The following TRPM3 variants were observed in gnomAD, a reference collection of about 807,000 sequenced individuals.
TRPM3 encodes the protein transient receptor potential cation channel subfamily M member 3, also known as long transient receptor potential channel 3.
Under a neutral mutation model 181.2 loss-of-function variants are expected in TRPM3, and 77 were observed. That is an observed-to-expected ratio of 0.42 (90% CI 0.35 to 0.51). TRPM3 has a LOEUF of 0.51. TRPM3 is among the 20% of genes least tolerant of loss of function. The pLI is 0.01. For missense variants in TRPM3, 1,759 were observed against 2,196.7 expected, an observed-to-expected ratio of 0.80 and a Z score of 3.98; for synonymous variants, 745 against 796.4, an observed-to-expected ratio of 0.94 and a Z score of 1.09.
chr9:70,755,797 C>G (rs925610321), intron 8 of TRPM3, among the ~76,000 whole-genome samples: 1 of 152,154 alleles, frequency 6.6e-6, no homozygotes, highest in Non-Finnish European at 1.5e-5. Context: ...ACCACCAGGC[C>G]TGCCTCACCA....
chr9:71,044,586 C>T (rs1426052982), intron 1 of TRPM3, among the ~76,000 whole-genome samples: 6 of 152,318 alleles, frequency 3.9e-5, no homozygotes, highest in East Asian at 3.9e-4. Flanking sequence ...ATATCTGCCA[C>T]CATCTCCTAC....
intron 16 of TRPM3, 145 bp downstream of exon 16, chr9:70,619,931 G>A: frequency 1.4e-6 from 1 of 733,954 alleles, no homozygotes; most frequent in South Asian, 2.0e-5. Context: ...ACAATAAAGG[G>A]GAATTGTTTG....
At chr9:70,966,732 G>C (rs1418850934) in intron 1 of TRPM3, among the ~76,000 whole-genome samples, 1 of 151,964 alleles carries the variant, frequency 6.6e-6, no homozygotes, top group Non-Finnish European at 1.5e-5. Flanking sequence ...CACACATTGG[G>C]GTTTATTGGA....
At chr9:70,565,842 G>T (rs1303373654) in intron 22 of TRPM3, among the ~76,000 whole-genome samples, 2 of 152,138 alleles carry the variant, frequency 1.3e-5, no homozygotes, top group African/African-American at 4.8e-5. Context: ...ATGTCCTATG[G>T]GTAAGTCCTT....
At chr9:71,131,444 A>T (rs1306561623) in intron 1 of TRPM3, among the ~76,000 whole-genome samples, 1 of 152,222 alleles carries the variant, frequency 6.6e-6, no homozygotes, top group Admixed American at 6.5e-5. Flanking sequence ...AATGGAATGT[A>T]ATTTCTATAG....
intron 22 of TRPM3, among the ~76,000 whole-genome samples, chr9:70,573,687 CA>C (rs566752152): frequency 6.0e-5 from 9 of 150,880 alleles, no homozygotes; most frequent in South Asian, 2.1e-4. Flanking sequence ...GTAAAGTTTT[CA>C]AAAAAAAACC....
intron 1 of TRPM3, among the ~76,000 whole-genome samples, chr9:70,868,600 C>T (rs886769394): frequency 5.9e-5 from 9 of 152,104 alleles, no homozygotes; most frequent in African/African-American, 2.2e-4. Context: ...TTTACAAGCA[C>T]ATACACACAC....
At chr9:71,352,034 C>G (rs942082773) in intron 1 of TRPM3, among the ~76,000 whole-genome samples, 1 of 151,958 alleles carries the variant, frequency 6.6e-6, no homozygotes. Flanking sequence ...CGCCACCACA[C>G]CCGGCTAATT....
rs549442944 is a variant in TRPM3, at chr9:71,149,306, G to A, written c.184-284795C>T. Among the ~76,000 whole-genome samples, 19 of 152,258 alleles carry A rather than the reference G, an allele frequency of 1.2e-4. No individual in the cohort carries two copies. In the East Asian group the frequency reaches 2.3e-3, roughly 19 times the overall value. On this transcript the variant is annotated intron_variant, in intron 1 of 24. Coordinates refer to the TRPM3 transcript ENST00000357533. ...TGCTCCCAGCTACTTGGGAAACTGA[G>A]GTGGGAGGATCACTTGGGCCCAGGA...
chr9:70,890,021 A>G (rs1335409756), intron 1 of TRPM3, among the ~76,000 whole-genome samples: 2 of 148,148 alleles, frequency 1.3e-5, no homozygotes, highest in South Asian at 2.1e-4. Context: ...TATATAGCAT[A>G]TATAAATATA....
At chr9:70,810,956 A>G (rs912949006) in intron 6 of TRPM3, among the ~76,000 whole-genome samples, 1 of 152,180 alleles carries the variant, frequency 6.6e-6, no homozygotes, top group Non-Finnish European at 1.5e-5. Context: ...TAGTATCCCA[A>G]TAGTGCCGTC....
intron 1 of TRPM3, among the ~76,000 whole-genome samples, chr9:71,087,960 T>A (rs1001917026): frequency 6.6e-6 from 1 of 152,064 alleles, no homozygotes; most frequent in South Asian, 2.1e-4. Flanking sequence ...TAGGAAGAAA[T>A]TGCATCTATT....
intron 1 of TRPM3, among the ~76,000 whole-genome samples, chr9:71,247,682 T>C (rs1362456699): frequency 1.3e-5 from 2 of 152,088 alleles, no homozygotes; most frequent in Non-Finnish European, 2.9e-5. Flanking sequence ...ATTTTCTCAG[T>C]GATACTAGGT....
rs567125463 is a variant in TRPM3 at position 70,846,436 on chromosome 9, C to T, written c.618G>A (p.Gly206=). Residue 206 remains glycine, a synonymous_variant, in exon 4 of 26, where the codon GGG becomes GGA. Transcript: ENST00000677713. ...CAGTTGTCATTGCTGCTTTGATGAG[C>T]CCTTTCCCAAAGACTTGCTTGAGTT... is the stretch of plus-strand genomic sequence containing the variant. The part of the protein sequence containing the change: ...QPKLKQVFGK[G]LIKAAMTTGA... 4.5e-5 allele frequency: 73 copies of T among 1,614,012 alleles called. No individual in the cohort carries two copies. Among genetic ancestry groups the T allele is most frequent in the Middle Eastern group, 1.6e-4 (1 of 6,084 alleles).
intron 1 of TRPM3, among the ~76,000 whole-genome samples, chr9:71,438,420 A>C (rs1360933190): frequency 6.6e-6 from 1 of 152,176 alleles, no homozygotes; most frequent in Non-Finnish European, 1.5e-5. Flanking sequence ...CTGTAATCCC[A>C]GCACTTTGAA....
intron 1 of TRPM3, among the ~76,000 whole-genome samples, chr9:71,017,880 G>A (rs963169989): frequency 2.6e-5 from 4 of 151,760 alleles, no homozygotes; most frequent in African/African-American, 9.7e-5. Flanking sequence ...TTGCATATAT[G>A]TTCTTTCCAA....
chr9:71,102,121 C>T (rs2068509212), intron 1 of TRPM3, among the ~76,000 whole-genome samples: 1 of 152,180 alleles, frequency 6.6e-6, no homozygotes, highest in Non-Finnish European at 1.5e-5. Context: ...TGGCTAATCA[C>T]ATAATCACTA....
intron 5 of TRPM3, among the ~76,000 whole-genome samples, chr9:70,842,396 A>T (rs2094732510): frequency 1.6e-5 from 2 of 125,976 alleles, no homozygotes; most frequent in African/African-American, 7.5e-5. Context: ...ATTGCATTTT[A>T]AAAAATTGCA....
chr9:70,677,799 C>T (rs920868803), intron 9 of TRPM3, among the ~76,000 whole-genome samples: 4 of 152,126 alleles, frequency 2.6e-5, no homozygotes, highest in Admixed American at 2.0e-4. Context: ...GAAGTGTCAG[C>T]TATGACCCTT....
Sources: allele counts gnomAD v4.1 joint callset (sites outside exome capture counted in the v4.1 genomes callset), GRCh38; gene constraint gnomAD v4.1.1; transcripts MANE v1.5; gene names NCBI Gene and HGNC (gene_info 2026-07-23, HGNC 2026-07-21).